Variants in MXD3 observed in about 807,000 individuals in gnomAD.
MXD3 encodes the protein MAX dimerization protein 3.
A neutral mutation model predicts 27.5 loss-of-function variants in MXD3; 20 were observed. The observed-to-expected ratio is 0.73, with a 90% CI of 0.51 to 1.06. The LOEUF (loss-of-function observed/expected upper bound fraction) is 1.06. MXD3 is among the 50% of genes least tolerant of loss of function. The pLI is 0.00. For missense variants in MXD3, 298 were observed against 291.3 expected, an observed-to-expected ratio of 1.02 and a Z score of -0.17; for synonymous variants, 150 against 130.7, an observed-to-expected ratio of 1.15 and a Z score of -1.01.
chr5:177,310,143 C>A (rs528779365), intron 4 of MXD3, among the ~76,000 whole-genome samples: 14 of 152,348 alleles, frequency 9.2e-5, no homozygotes, highest in African/African-American at 2.6e-4. Context: ...GGCTAAGTAA[C>A]CTGCCCAAGG....
Position 177,311,494 on chromosome 5 carries a change from A to T in MXD3, c.71-10T>A. 1 of 1,429,366 alleles carries T rather than the reference A, an allele frequency of 7.0e-7. No individual in the cohort carries two copies. The highest frequency in any genetic ancestry group is 1.5e-5 in the South Asian group (1 of 65,076). The allele number at this position is 1,429,366 out of a possible 1,614,324, so 88.5% of individuals were successfully genotyped here. A position where few individuals can be genotyped will look rare whatever the true frequency, so the allele number is the denominator to read the frequency against. On this transcript the variant is annotated splice_polypyrimidine_tract_variant and intron_variant, in intron 1 of 5. Coordinates refer to ENST00000439742, the MANE Select transcript of MXD3 (RefSeq NM_031300.4). ...TAACCATGCTCGGCCTCTGCCAGAG[A>T]GAGTCCCCGCCCGCGTCAGGCTGGG... is the stretch of plus-strand genomic sequence containing the variant.
rs1277587063 is a variant in MXD3 at position 177,307,629 on chromosome 5, G to C, written c.580C>G (p.Gln194Glu). 1 of 1,613,288 alleles carries C rather than the reference G, an allele frequency of 6.2e-7. No homozygotes were observed. Among genetic ancestry groups the C allele is most frequent in the Non-Finnish European group, 8.5e-7 (1 of 1,179,930 alleles). ...AELLRGFVAG[Q>E]EHSYSHGGGA... ...CCGCCGTGCGAGTAGCTGTGCTCCT[G>C]GCCGGCGACGAAGCCCCGCAGCAGC... The change falls in exon 6 of 6, where the codon CAG (glutamine) becomes GAG (glutamate). Residue 194 changes from glutamine (Q) to glutamate (E), a missense_variant. Transcript: ENST00000439742.
Position 177,307,368 on chromosome 5 carries a change from G to A in MXD3, c.*220C>T. ...GGGCCCAAGCTGCCTGCCCTGCAGG[G>A]GTCCAGGGAGGTCCTGATGAGTCCT... On this transcript the variant is annotated 3_prime_UTR_variant, in exon 6 of 6. Transcript: ENST00000439742. 1.3e-6 allele frequency: 2 copies of A among 1,498,950 alleles called. No individual in the cohort carries two copies. The highest frequency in any genetic ancestry group is 1.8e-6 in the Non-Finnish European group (2 of 1,103,986). 92.9% of individuals were successfully genotyped at this position (1,498,950 alleles called of 1,614,324 possible).
rs758633666 is a variant in MXD3 at position 177,307,292 on chromosome 5, C to G, written c.*296G>C. 3.2e-6 allele frequency: 5 copies of G among 1,550,180 alleles called. No homozygotes were observed. The highest frequency in any genetic ancestry group is 4.4e-6 in the Non-Finnish European group (5 of 1,146,094). ...GGCCTTGTCCAGGAAGGGAAGAGGCCCAAGAGGCTTCCTGTCCCCTTGGGG... is the reference window on the plus strand; with the variant it reads ...GGCCTTGTCCAGGAAGGGAAGAGGCGCAAGAGGCTTCCTGTCCCCTTGGGG... On this transcript the variant is annotated 3_prime_UTR_variant, in exon 6 of 6. Coordinates refer to ENST00000439742, the MANE Select transcript of MXD3 (RefSeq NM_031300.4).
downstream of MXD3, chr5:177,306,158 A>G (rs1464763309): frequency 6.2e-7 from 1 of 1,613,890 alleles, no homozygotes; most frequent in South Asian, 1.1e-5. Flanking sequence ...TTTTGAATAT[A>G]TCTTGGCTAA....
Position 177,307,861 on chromosome 5 carries a change from C to T in MXD3, c.425G>A (p.Gly142Glu), listed in dbSNP as rs745328928. Residue 142 changes from glycine (G) to glutamate (E), a missense_variant, in exon 5 of 6, where the codon GGG (glycine) becomes GAG (glutamate). Coordinates refer to ENST00000439742, the MANE Select transcript of MXD3 (RefSeq NM_031300.4). ...CCGCAGCCGCTCCCGCTCGGCCGCC[C>T]CTGCCAGCCCCCGGAGCTGCTCCAG... ...RQLEQLRGLA[G>E]AAERERLRAD... 6.2e-7 allele frequency: 1 copy of T among 1,609,738 alleles called. No homozygotes were observed. The highest frequency in any genetic ancestry group is 2.2e-5 in the East Asian group (1 of 44,810).
downstream of MXD3, chr5:177,306,986 G>C: frequency 1.5e-5 from 21 of 1,365,246 alleles, no homozygotes; most frequent in Non-Finnish European, 2.1e-5. Flanking sequence ...GCTCTGGTTT[G>C]AATCTTGGCT....
intron 4 of MXD3, among the ~76,000 whole-genome samples, chr5:177,309,209 G>A (rs1262355989): frequency 6.6e-6 from 1 of 152,226 alleles, no homozygotes; most frequent in Non-Finnish European, 1.5e-5. Flanking sequence ...CAGAGGCTTT[G>A]TCCTGTCAGG....
downstream of MXD3, chr5:177,305,912 C>A: frequency 6.2e-7 from 1 of 1,614,168 alleles, no homozygotes. Context: ...ACTCTGACAA[C>A]AGTGGCTGGA....
downstream of MXD3, chr5:177,306,409 C>T (rs1201840822): frequency 1.9e-6 from 3 of 1,613,882 alleles, no homozygotes; most frequent in South Asian, 2.2e-5. Context: ...CAGCCACCTG[C>T]CGTTCGCGAC....
downstream of MXD3, chr5:177,306,768 G>T: frequency 1.0e-6 from 1 of 963,242 alleles, no homozygotes; most frequent in Non-Finnish European, 1.5e-6. Flanking sequence ...TCTCCCATTG[G>T]GCAGCTGAGG....
chr5:177,305,940 G>A (rs1201036643), downstream of MXD3: 1 of 1,614,202 alleles, frequency 6.2e-7, no homozygotes, highest in Non-Finnish European at 8.5e-7. Context: ...CCGCCGGGAA[G>A]CCTGGGTCTC....
chr5:177,307,025 C>T (rs1420865876), downstream of MXD3: 6 of 1,442,018 alleles, frequency 4.2e-6, no homozygotes, highest in South Asian at 1.5e-5. Flanking sequence ...AGGCGAGTCA[C>T]GTCACTCAGC....
chr5:177,312,548 G>A, upstream of MXD3: 1 of 985,462 alleles, frequency 1.0e-6, no homozygotes, highest in Non-Finnish European at 1.2e-6. Context: ...GGCGGACCCG[G>A]CTCCTGCCCT....
chr5:177,307,822 TC>T lies in MXD3; in HGVS notation c.463del (p.Asp155ThrfsTer?), dbSNP rs1561594598. 1 of 1,611,980 alleles carries T rather than the reference TC, an allele frequency of 6.2e-7. No homozygotes were observed. The highest frequency in any genetic ancestry group is 1.3e-5 in the African/African-American group (1 of 74,842). On this transcript the variant is annotated frameshift_variant, in exon 5 of 6. Transcript: ENST00000439742. LOFTEE classifies it high-confidence loss of function. ...GCGCTCAGAGGAGAGGCCTGAGGAG[TC>T]CAGACTGTCCGCCCGCAGCCGCTCC... The part of the protein sequence containing the change: ...ERERLRADSL[D>X]SSGLSSERSD...
At chr5:177,310,813 G>T in intron 2 of MXD3, 116 bp from the exon 3 acceptor site, 2 of 1,208,678 alleles carry the variant, frequency 1.7e-6, no homozygotes, top group Non-Finnish European at 2.4e-6. Flanking sequence ...CAAGTCCCCT[G>T]TGGAGAGCTC....
intron 4 of MXD3, among the ~76,000 whole-genome samples, chr5:177,309,573 G>C (rs920863803): frequency 3.3e-5 from 5 of 152,250 alleles, no homozygotes; most frequent in Non-Finnish European, 5.9e-5. Flanking sequence ...CCGCAGCTGT[G>C]GTTTATTTAC....
rs567617793 is a variant in MXD3, at chr5:177,308,686, C to T, written c.322-722G>A. Among the ~76,000 whole-genome samples, 126 of 152,262 alleles carry T rather than the reference C, an allele frequency of 8.3e-4. 1 individual carries two copies. The South Asian group carries it at 9.9e-3, about 12-fold the overall frequency. On this transcript the variant is annotated intron_variant, in intron 4 of 5. Transcript: ENST00000439742. ...CCGCGCCCGGCCCCCCATTTCTTTACGAGAAGCTAGCTGGAAAGTCAGATT... is the reference window on the plus strand; with the variant it reads ...CCGCGCCCGGCCCCCCATTTCTTTATGAGAAGCTAGCTGGAAAGTCAGATT...
At chr5:177,305,779 C>T (rs1581586759), downstream of MXD3, 46 of 1,034,134 alleles carry the variant, frequency 4.4e-5, no homozygotes, top group East Asian at 1.1e-3. Context: ...CATTGTATTG[C>T]TTCGCCTCAT....
Sources: gnomAD v4.1 joint callset for allele counts (sites outside exome capture counted in the v4.1 genomes callset) on GRCh38, gnomAD v4.1.1 for gene constraint, MANE v1.5 for transcripts, NCBI Gene and HGNC (gene_info 2026-07-23, HGNC 2026-07-21) for gene names.